Variants in ASAP2 observed in about 807,000 individuals in gnomAD.
ASAP2 encodes the protein ArfGAP with SH3 domain, ankyrin repeat and PH domain 2.
In ASAP2, 45 loss-of-function variants were observed where a neutral mutation model predicts 131.4. The observed-to-expected ratio is 0.34, with a 90% CI of 0.27 to 0.44. ASAP2 has a LOEUF of 0.44. Ranked by LOEUF, ASAP2 falls within the 20% of genes least tolerant of loss-of-function variation. The pLI is 1.00. For missense variants in ASAP2, 1,011 were observed against 1,297.0 expected, an observed-to-expected ratio of 0.78 and a Z score of 3.39; for synonymous variants, 510 against 503.0, an observed-to-expected ratio of 1.01 and a Z score of -0.19.
At chr2:9,271,110 T>TA (rs1421386837) in intron 1 of ASAP2, among the ~76,000 whole-genome samples, 1 of 151,956 alleles carries the variant, frequency 6.6e-6, no homozygotes, top group Non-Finnish European at 1.5e-5. Context: ...CATTTTTTTT[T>TA]ATGGCTCTTT....
intron 1 of ASAP2, chr2:9,271,434 C>T (rs1666386401): frequency 1.4e-6 from 2 of 1,430,422 alleles, no homozygotes; most frequent in South Asian, 1.2e-5. Context: ...TGCAGGCAAA[C>T]TTCTTAAACG....
chr2:9,287,949 T>A (rs973746852), intron 2 of ASAP2, among the ~76,000 whole-genome samples: 3 of 152,206 alleles, frequency 2.0e-5, no homozygotes, highest in African/African-American at 4.8e-5. Context: ...TTCAGAGGTA[T>A]CTGCTATTTA....
intron 20 of ASAP2, among the ~76,000 whole-genome samples, chr2:9,382,453 G>T (rs919051339): frequency 1.3e-5 from 2 of 152,212 alleles, no homozygotes; most frequent in African/African-American, 4.8e-5. Context: ...CCCATAGTGT[G>T]TAACGAATTA....
chr2:9,354,371 C>T (rs895475472), intron 12 of ASAP2, among the ~76,000 whole-genome samples: 12 of 152,196 alleles, frequency 7.9e-5, no homozygotes, highest in Non-Finnish European at 1.0e-4. Flanking sequence ...CTCTGGAAGC[C>T]GTCCGCTTAT....
intron 1 of ASAP2, among the ~76,000 whole-genome samples, chr2:9,215,728 A>G (rs1451051042): frequency 2.9e-5 from 4 of 139,254 alleles, no homozygotes; most frequent in Non-Finnish European, 6.1e-5. Context: ...TATAATTATT[A>G]TATTTCATAA....
chr2:9,262,766 G>T (rs1665662198), intron 1 of ASAP2, among the ~76,000 whole-genome samples: 1 of 152,352 alleles, frequency 6.6e-6, no homozygotes, highest in South Asian at 2.1e-4. Flanking sequence ...GGATGGCAGA[G>T]CCTGGCATGC....
intron 1 of ASAP2, among the ~76,000 whole-genome samples, chr2:9,208,289 A>T (rs1202294336): frequency 1.6e-5 from 2 of 126,328 alleles, no homozygotes; most frequent in African/African-American, 5.9e-5. Flanking sequence ...ACAGTTTTAA[A>T]ATTGGGTATT....
At chr2:9,254,527 A>ATTTTTTTTTTTTTTT (rs546862626) in intron 1 of ASAP2, among the ~76,000 whole-genome samples, 3 of 28,012 alleles carry the variant, frequency 1.1e-4, no homozygotes, top group African/African-American at 3.9e-4. Context: ...TAATTTTTGG[A>ATTTTTTTTTTTTTTT]TTTTTTTTTT....
At chr2:9,303,426 G>A (rs938361253) in intron 3 of ASAP2, among the ~76,000 whole-genome samples, 2 of 152,206 alleles carry the variant, frequency 1.3e-5, no homozygotes, top group South Asian at 2.1e-4. Context: ...GAGCTGAAGA[G>A]CAAGGTGACT....
At chr2:9,313,759 TG>T (rs970474330) in intron 3 of ASAP2, among the ~76,000 whole-genome samples, 1 of 152,210 alleles carries the variant, frequency 6.6e-6, no homozygotes, top group African/African-American at 2.4e-5. Context: ...GGTTAGTAAC[TG>T]GGACAGTTAC....
At chr2:9,318,404 C>G (rs1669943834) in intron 3 of ASAP2, 120 bp from the exon 4 acceptor site, 1 of 720,526 alleles carries the variant, frequency 1.4e-6, no homozygotes, top group African/African-American at 1.8e-5. Context: ...AGTACATGCA[C>G]CGGCCAGGTT....
intron 7 of ASAP2, among the ~76,000 whole-genome samples, chr2:9,328,848 G>A (rs1410642103): frequency 6.6e-6 from 1 of 152,210 alleles, no homozygotes; most frequent in Admixed American, 6.5e-5. Flanking sequence ...AAGTTAGACT[G>A]AAAGAGACAA....
intron 1 of ASAP2, among the ~76,000 whole-genome samples, chr2:9,251,285 A>C (rs1664687841): frequency 6.6e-6 from 1 of 152,030 alleles, no homozygotes; most frequent in Admixed American, 6.6e-5. Context: ...TGAGGTTGTG[A>C]GGGTGGGGCT....
At position 9,344,640 on chromosome 2, in the gene ASAP2, G is replaced by A. The variant is rs774456784; in HGVS notation, c.953+5G>A. 3.2e-5 allele frequency: 51 copies of A among 1,613,662 alleles called. No homozygotes were observed. The highest frequency in any genetic ancestry group is 3.8e-5 in the Non-Finnish European group (45 of 1,179,646). On this transcript the variant is annotated splice_donor_5th_base_variant and intron_variant, in intron 10 of 27. Transcript: ENST00000281419. Reference sequence around the variant, plus strand: ...CCTCTACAAGAAGAGTGACGGGTACGTGAGGGGGTGTGGCTAGAGTTTAAA... The same window carrying A: ...CCTCTACAAGAAGAGTGACGGGTACATGAGGGGGTGTGGCTAGAGTTTAAA...
intron 3 of ASAP2, among the ~76,000 whole-genome samples, chr2:9,309,402 T>G (rs1433521941): frequency 6.6e-6 from 1 of 152,180 alleles, no homozygotes; most frequent in Non-Finnish European, 1.5e-5. Context: ...TGCGGGATGA[T>G]TCCAGATACC....
intron 9 of ASAP2, among the ~76,000 whole-genome samples, chr2:9,342,744 G>A (rs1369791606): frequency 3.9e-5 from 6 of 152,188 alleles, no homozygotes; most frequent in Non-Finnish European, 8.8e-5. Flanking sequence ...TTGGGATGCA[G>A]TCGAAACTCT....
chr2:9,366,283 A>G (rs996578677), intron 15 of ASAP2, among the ~76,000 whole-genome samples: 7 of 151,972 alleles, frequency 4.6e-5, no homozygotes, highest in Admixed American at 1.3e-4. Flanking sequence ...GCAGAAGGGA[A>G]GCAGCTCTTC....
intron 7 of ASAP2, among the ~76,000 whole-genome samples, chr2:9,333,870 G>T (rs1671002283): frequency 1.3e-5 from 2 of 152,074 alleles, no homozygotes. Context: ...TGTTATAGGT[G>T]ACCTCACAGC....
At chr2:9,305,509 G>A (rs762634917) in intron 3 of ASAP2, among the ~76,000 whole-genome samples, 469 of 109,366 alleles carry the variant, frequency 4.3e-3, no homozygotes, top group Non-Finnish European at 6.5e-3. Flanking sequence ...TGTAGTAGTG[G>A]GGTATAGATA....
Sources: allele counts gnomAD v4.1 joint callset (sites outside exome capture counted in the v4.1 genomes callset), GRCh38; gene constraint gnomAD v4.1.1; transcripts MANE v1.5; gene names NCBI Gene and HGNC (gene_info 2026-07-23, HGNC 2026-07-21).